Variants in NDUFS1 observed in about 807,000 individuals in gnomAD.
NDUFS1 encodes NADH-ubiquinone oxidoreductase 75 kDa subunit, mitochondrial.
A neutral mutation model predicts 84.4 loss-of-function variants in NDUFS1; 61 were observed. The observed-to-expected ratio is 0.72, with a 90% CI of 0.59 to 0.89. NDUFS1 has a LOEUF of 0.89. Among genes scored for constraint, NDUFS1 ranks in the 40% least tolerant of loss-of-function variants. The probability of loss-of-function intolerance (pLI) is 0.00; values close to 1 mark genes in which losing one functional copy is unlikely to be tolerated. For missense variants in NDUFS1, 891 were observed against 890.0 expected (o/e 1.00, Z -0.01); for synonymous variants, 275 against 290.0 (o/e 0.95, Z 0.53).
At position 206,121,061 on chromosome 2, in the gene NDUFS1, CAATT is replaced by C. The variant is rs1691081187; in HGVS notation, c.*3120_*3123del. 6.6e-6 allele frequency: 1 copy of C among 152,228 alleles called. No individual in the cohort carries two copies. The highest frequency in any genetic ancestry group is 2.4e-5 in the African/African-American group (1 of 41,454). The allele number at this position is 152,228 out of a possible 1,614,324, so 9.4% of individuals were successfully genotyped here. A position where few individuals can be genotyped will look rare whatever the true frequency, so the allele number is the denominator to read the frequency against. On this transcript the variant is annotated 3_prime_UTR_variant, in exon 19 of 19. Transcript: ENST00000233190. The stretch of plus-strand genomic sequence containing the variant: ...AAGTTATTTGATATTTCTTGAGTCT[CAATT>C]AATACCTACTATTAGCAGAGATTTT...
chr2:206,153,557 C>T lies in NDUFS1; in HGVS notation c.61+61G>A, dbSNP rs529031153. ...GGTCTTTGATAAACTATGCCATAGA[C>T]TTATAAATTTACAAAAATAAGGTCT... is the stretch of plus-strand genomic sequence containing the variant. On this transcript the variant is annotated intron_variant, in intron 2 of 18. Coordinates refer to ENST00000233190, the MANE Select transcript of NDUFS1 (RefSeq NM_005006.7). The T allele has an allele frequency of 2.5e-5, 25 of 1,010,438 alleles. No homozygotes were observed. The African/African-American group carries it at 4.0e-4, about 16-fold the overall frequency. The allele number at this position is 1,010,438 out of a possible 1,614,324, so 62.6% of individuals were successfully genotyped here.
In NDUFS1 at chr2:206,124,051, A is replaced by G. The variant is rs1691186309; in HGVS notation, c.*134T>C. On this transcript the variant is annotated 3_prime_UTR_variant, in exon 19 of 19. Coordinates refer to ENST00000233190, the MANE Select transcript of NDUFS1 (RefSeq NM_005006.7). ...TAACTAATATCATTTTCAAATAGGC[A>G]TAGTATAACCTTAAATATTACATGA... is the stretch of plus-strand genomic sequence containing the variant. 3.0e-6 allele frequency: 2 copies of G among 672,826 alleles called. No individual in the cohort carries two copies. Among genetic ancestry groups the G allele is most frequent in the Non-Finnish European group, 5.2e-6 (2 of 384,338 alleles). 41.7% of individuals were successfully genotyped at this position (672,826 alleles called of 1,614,324 possible).
At position 206,120,840 on chromosome 2, in the gene NDUFS1, T is replaced by C. The variant is rs2105936356; in HGVS notation, c.*3345A>G. 1 of 152,362 alleles carries C rather than the reference T, an allele frequency of 6.6e-6. No individual in the cohort carries two copies. Among genetic ancestry groups the C allele is most frequent in the Non-Finnish European group, 1.5e-5 (1 of 68,058 alleles). The allele number at this position is 152,362 out of a possible 1,614,324, so 9.4% of individuals were successfully genotyped here. On this transcript the variant is annotated 3_prime_UTR_variant, in exon 19 of 19. Coordinates refer to ENST00000233190, the MANE Select transcript of NDUFS1 (RefSeq NM_005006.7). The stretch of plus-strand genomic sequence containing the variant: ...GCTGCAGGAATACAGTTGTCCATGC[T>C]GGACTCAACTCATTTGCTCAAGCAA...
rs1212411871 is a variant in NDUFS1 at position 206,143,999 on chromosome 2, T to TA, written c.987+18dup. On this transcript the variant is annotated intron_variant, in intron 10 of 18. Transcript: ENST00000233190. ...GATAATCACAAACACTATTTAACAC[T>TA]ATTTATTTCAAATTTTACCATTCCA... 4.5e-6 allele frequency: 7 copies of TA among 1,555,654 alleles called. No individual in the cohort carries two copies. Among genetic ancestry groups the TA allele is most frequent in the Non-Finnish European group, 6.2e-6 (7 of 1,127,208 alleles).
intron 1 of NDUFS1, among the ~76,000 whole-genome samples, chr2:206,157,043 C>T (rs535021035): frequency 1.1e-4 from 16 of 152,158 alleles, no homozygotes; most frequent in Non-Finnish European, 2.1e-4. Context: ...CTGCAACCTC[C>T]GCCTCCCAAG....
intron 5 of NDUFS1, 23 bp downstream of exon 5, chr2:206,148,997 T>C: frequency 1.3e-6 from 2 of 1,547,732 alleles, no homozygotes; most frequent in Non-Finnish European, 1.8e-6. Flanking sequence ...GAAAGGGTAC[T>C]ACATTGAATA....
At chr2:206,133,127 T>C (rs766475843) in intron 13 of NDUFS1, 22 bp from the exon 14 acceptor site, 40 of 1,555,706 alleles carry the variant, frequency 2.6e-5, no homozygotes, top group Non-Finnish European at 3.1e-5. Context: ...AAAAAACAAC[T>C]TTGATTTTAA....
rs1310669544 is a variant in NDUFS1 at position 206,119,675 on chromosome 2, A to G, written c.*4510T>C. On this transcript the variant is annotated 3_prime_UTR_variant, in exon 19 of 19. Coordinates refer to ENST00000233190, the MANE Select transcript of NDUFS1 (RefSeq NM_005006.7). ...GGTGATCCGCCTGCCTCGGCCTCCC[A>G]AAGTGCTGGGATTACAGGCTTGAGC... 2 of 152,144 alleles carry G rather than the reference A, an allele frequency of 1.3e-5. No homozygotes were observed. The highest frequency in any genetic ancestry group is 6.5e-5 in the Admixed American group (1 of 15,276). 9.4% of individuals were successfully genotyped at this position (152,144 alleles called of 1,614,324 possible).
chr2:206,144,150 C>G lies in NDUFS1; in HGVS notation c.873-18G>C. The stretch of plus-strand genomic sequence containing the variant: ...AGGCAAATCTAGAAAACAGAAATTA[C>G]ACCATTGTGGAATCTTGCTAAAGAA... On this transcript the variant is annotated intron_variant, in intron 9 of 18. Transcript: ENST00000233190. The G allele has an allele frequency of 6.4e-7, 1 of 1,554,870 alleles. No homozygotes were observed. The highest frequency in any genetic ancestry group is 8.9e-7 in the Non-Finnish European group (1 of 1,126,322).
intron 18 of NDUFS1, among the ~76,000 whole-genome samples, chr2:206,125,577 T>C (rs1485032184): frequency 1.3e-5 from 2 of 151,944 alleles, no homozygotes; most frequent in Admixed American, 6.6e-5. Flanking sequence ...TGTATGTCCC[T>C]GGAGGAAGAG....
chr2:206,151,118 T>C (rs148239677), intron 3 of NDUFS1, among the ~76,000 whole-genome samples: 11 of 152,202 alleles, frequency 7.2e-5, no homozygotes, highest in African/African-American at 2.7e-4. Context: ...TTGTCTCTTA[T>C]TCCAGTCTTG....
intron 5 of NDUFS1, among the ~76,000 whole-genome samples, chr2:206,148,116 G>C (rs558752049): frequency 7.2e-4 from 110 of 152,082 alleles, no homozygotes; most frequent in Admixed American, 1.6e-3. Flanking sequence ...GTAGAGGCAG[G>C]GTTTCATCAT....
intron 4 of NDUFS1, among the ~76,000 whole-genome samples, chr2:206,149,468 A>T (rs989578449): frequency 1.3e-5 from 2 of 152,162 alleles, no homozygotes; most frequent in Admixed American, 1.3e-4. Context: ...CTTCCCTGCA[A>T]CCCTTTTCTC....
intron 12 of NDUFS1, among the ~76,000 whole-genome samples, chr2:206,141,211 C>T (rs12476800): frequency 0.53 from 79,929 of 151,626 alleles, 22,608 homozygotes; most frequent in African/African-American, 0.73. Flanking sequence ...AACCCAGGAG[C>T]TCGAGACTAG....
intron 13 of NDUFS1, among the ~76,000 whole-genome samples, chr2:206,134,496 T>C (rs1691635469): frequency 6.6e-6 from 1 of 151,546 alleles, no homozygotes; most frequent in Non-Finnish European, 1.5e-5. Flanking sequence ...CATGGTGGTG[T>C]GCACCTGTGG....
chr2:206,121,477 C>CT lies in NDUFS1; in HGVS notation c.*2707dup, dbSNP rs1459367083. 6.6e-6 allele frequency: 1 copy of CT among 152,094 alleles called. No homozygotes were observed. Among genetic ancestry groups the CT allele is most frequent in the East Asian group, 1.9e-4 (1 of 5,200 alleles). The allele number at this position is 152,094 out of a possible 1,614,324, so 9.4% of individuals were successfully genotyped here. ...ATTTATTTATTTTTTGAGAGGGAGG[C>CT]TTGTTTCTTCACCCAGGCTGCAGTG... On this transcript the variant is annotated 3_prime_UTR_variant, in exon 19 of 19. Coordinates refer to ENST00000233190, the MANE Select transcript of NDUFS1 (RefSeq NM_005006.7).
Position 206,126,853 on chromosome 2 carries a change from T to A in NDUFS1, c.1885-9A>T. 6.2e-7 allele frequency: 1 copy of A among 1,613,932 alleles called. No individual in the cohort carries two copies. Among genetic ancestry groups the A allele is most frequent in the Non-Finnish European group, 8.5e-7 (1 of 1,179,984 alleles). ...AGAGTCATTCCAGCAATCTACAACA[T>A]GTCAGGTCCCCAAAAACAACAAAAA... On this transcript the variant is annotated splice_polypyrimidine_tract_variant and intron_variant, in intron 16 of 18. Coordinates refer to ENST00000233190, the MANE Select transcript of NDUFS1 (RefSeq NM_005006.7).
At chr2:206,156,824 T>C (rs1050883595) in intron 1 of NDUFS1, among the ~76,000 whole-genome samples, 2 of 152,208 alleles carry the variant, frequency 1.3e-5, no homozygotes, top group South Asian at 2.1e-4. Flanking sequence ...TAATGTTGGG[T>C]AAATGAGTTT....
chr2:206,143,644 C>T (rs748651101), intron 10 of NDUFS1, among the ~76,000 whole-genome samples: 4 of 151,254 alleles, frequency 2.6e-5, no homozygotes, highest in Admixed American at 2.6e-4. Flanking sequence ...TGCAGTGGTG[C>T]GATCTCGGCT....
Sources: allele counts gnomAD v4.1 joint callset (sites outside exome capture counted in the v4.1 genomes callset), GRCh38; gene constraint gnomAD v4.1.1; transcripts MANE v1.5; gene names NCBI Gene and HGNC (gene_info 2026-07-23, HGNC 2026-07-21).